C1QTNF9: variants seen among roughly 807,000 people sequenced by gnomAD.
C1QTNF9 encodes the protein complement C1q and tumor necrosis factor-related protein 9A.
Under a neutral mutation model 10.1 loss-of-function variants are expected in C1QTNF9, and 6 were observed. The ratio of observed to expected loss-of-function variants is 0.59; its 90% confidence interval spans 0.32 to 1.17. The LOEUF is 1.17. Among genes scored for constraint, C1QTNF9 ranks in the 50% most tolerant of loss-of-function variants. C1QTNF9 has a pLI of 0.04. For missense variants in C1QTNF9, 201 were observed against 418.8 expected, an observed-to-expected ratio of 0.48 and a Z score of 4.54; for synonymous variants, 98 against 163.5, an observed-to-expected ratio of 0.60 and a Z score of 3.06.
intron 1 of C1QTNF9, 120 bp downstream of exon 1, chr13:24,309,736 A>G (rs988917223): frequency 6.6e-6 from 1 of 152,190 alleles, no homozygotes; most frequent in African/African-American, 2.4e-5. Flanking sequence ...TCAGATGTCT[A>G]TACAGTTTTG....
chr13:24,313,575 G>C (rs1174150682), intron 1 of C1QTNF9, among the ~76,000 whole-genome samples: 1 of 152,160 alleles, frequency 6.6e-6, no homozygotes, highest in African/African-American at 2.4e-5. Flanking sequence ...GGAATGGAGC[G>C]AATTTGTGAC....
chr13:24,319,925 C>T (rs142543180), intron 3 of C1QTNF9, among the ~76,000 whole-genome samples: 8 of 152,194 alleles, frequency 5.3e-5, no homozygotes, highest in Non-Finnish European at 1.0e-4. Flanking sequence ...GCTCATCTGA[C>T]GTCCTGTGTG....
chr13:24,308,753 C>G (rs550996053), upstream of C1QTNF9, among the ~76,000 whole-genome samples: 1 of 151,698 alleles, frequency 6.6e-6, no homozygotes, highest in East Asian at 2.0e-4. Flanking sequence ...CTTTGCGTGG[C>G]CTCCTGCTCT....
upstream of C1QTNF9, among the ~76,000 whole-genome samples, chr13:24,307,986 G>A (rs537378406): frequency 4.6e-5 from 7 of 152,338 alleles, no homozygotes; most frequent in South Asian, 2.1e-4. Context: ...CCCAGGCCCC[G>A]GCAGGGTCCT....
chr13:24,319,030 C>G, intron 3 of C1QTNF9, 150 bp downstream of exon 3: 6 of 1,100,984 alleles, frequency 5.4e-6, no homozygotes, highest in South Asian at 1.5e-5. Context: ...CAGGGATTGG[C>G]AGGCTTTGCA....
upstream of C1QTNF9, among the ~76,000 whole-genome samples, chr13:24,308,736 T>C (rs1321903279): frequency 2.0e-5 from 3 of 151,090 alleles, no homozygotes; most frequent in African/African-American, 7.3e-5. Context: ...CGGCCTCTGC[T>C]CCTGCTCTTT....
chr13:24,313,383 TA>T (rs1877908195), intron 1 of C1QTNF9, among the ~76,000 whole-genome samples: 1 of 152,260 alleles, frequency 6.6e-6, no homozygotes. Context: ...CTGATCATTT[TA>T]TTCCTGGAAT....
chr13:24,319,465 GGA>G (rs1274521394), intron 3 of C1QTNF9, among the ~76,000 whole-genome samples: 11 of 152,304 alleles, frequency 7.2e-5, no homozygotes, highest in Admixed American at 6.5e-4. Context: ...CTTGAGCCTG[GGA>G]GGTTGGGGCT....
intron 1 of C1QTNF9, among the ~76,000 whole-genome samples, chr13:24,312,325 T>C (rs1877858316): frequency 2.6e-5 from 4 of 152,056 alleles, no homozygotes; most frequent in African/African-American, 2.4e-5. Flanking sequence ...CTAGGTGTGG[T>C]GTACAGAGTA....
chr13:24,308,650 G>C (rs928280496), upstream of C1QTNF9, among the ~76,000 whole-genome samples: 1 of 152,184 alleles, frequency 6.6e-6, no homozygotes, highest in South Asian at 2.1e-4. Context: ...CTCTGCCCCT[G>C]CTCTGTGCGT....
intron 2 of C1QTNF9, among the ~76,000 whole-genome samples, chr13:24,316,877 G>T (rs1878059952): frequency 6.6e-6 from 1 of 152,138 alleles, no homozygotes; most frequent in African/African-American, 2.4e-5. Flanking sequence ...TGACCATAGG[G>T]TCACATATCT....
chr13:24,309,298 T>TC (rs1221183546), upstream of C1QTNF9, among the ~76,000 whole-genome samples: 50,804 of 138,464 alleles, frequency 0.37, 14,262 homozygotes, highest in Non-Finnish European at 0.45. Flanking sequence ...TATATATATA[T>TC]ATATATATAT....
chr13:24,310,587 A>G (rs1387580746), intron 1 of C1QTNF9, among the ~76,000 whole-genome samples: 1 of 127,614 alleles, frequency 7.8e-6, no homozygotes, highest in African/African-American at 3.4e-5. Context: ...GGCTATGCTA[A>G]TTTACAGTGC....
chr13:24,321,018 A>C (rs1317459312), exon 4 of C1QTNF9: 3 of 1,591,502 alleles, frequency 1.9e-6, no homozygotes, highest in Non-Finnish European at 1.7e-6. Flanking sequence ...AAGTTGAAGC[A>C]AAAGGCATCA....
intron 3 of C1QTNF9, among the ~76,000 whole-genome samples, chr13:24,320,723 T>G (rs1878220917): frequency 6.8e-6 from 1 of 146,794 alleles, no homozygotes; most frequent in African/African-American, 2.5e-5. Flanking sequence ...TTCTTTTTCT[T>G]TTTTTTTTTT....
chr13:24,319,342 C>T (rs1231654069), intron 3 of C1QTNF9, among the ~76,000 whole-genome samples: 2 of 152,052 alleles, frequency 1.3e-5, no homozygotes, highest in Non-Finnish European at 2.9e-5. Context: ...AGTTCCAGAC[C>T]ACCCTGGGCA....
At chr13:24,321,726 T>C in exon 4 of C1QTNF9, 1 of 1,599,546 alleles carries the variant, frequency 6.3e-7, no homozygotes, top group Non-Finnish European at 8.5e-7. Flanking sequence ...ATGAGGACGA[T>C]GACACAACTT....
chr13:24,315,103 A>G (rs1411209834), intron 1 of C1QTNF9, among the ~76,000 whole-genome samples: 2 of 152,224 alleles, frequency 1.3e-5, no homozygotes, highest in African/African-American at 4.8e-5. Context: ...ATTCAGTGGC[A>G]TTATGTACGT....
At chr13:24,312,557 A>G (rs982674529) in intron 1 of C1QTNF9, among the ~76,000 whole-genome samples, 13 of 152,232 alleles carry the variant, frequency 8.5e-5, no homozygotes, top group Non-Finnish European at 1.8e-4. Context: ...TTTCAAAATA[A>G]CATTAATATA....
Sources: allele counts gnomAD v4.1 joint callset (sites outside exome capture counted in the v4.1 genomes callset), GRCh38; gene constraint gnomAD v4.1.1; transcripts MANE v1.5; gene names NCBI Gene and HGNC (gene_info 2026-07-23, HGNC 2026-07-21).